PPARGC1A: variants seen among roughly 807,000 people sequenced by gnomAD.
The protein encoded by PPARGC1A is PPARG coactivator 1 alpha, also known as peroxisome proliferator-activated receptor gamma coactivator 1-alpha.
In PPARGC1A, 25 loss-of-function variants were observed where a neutral mutation model predicts 88.7. That is an observed-to-expected ratio of 0.28 (90% CI 0.21 to 0.39). The LOEUF (loss-of-function observed/expected upper bound fraction) is 0.39, where lower values mean the gene tolerates loss of function less well. Ranked by LOEUF, PPARGC1A falls within the 10% of genes least tolerant of loss-of-function variation. PPARGC1A has a pLI of 1.00. For synonymous variants in PPARGC1A, 363 were observed against 355.6 expected (o/e 1.02, Z -0.24); for missense variants, 880 against 968.7 (o/e 0.91, Z 1.22).
the PPARGC1A span, among the ~76,000 whole-genome samples, chr4:24,400,551 A>G: frequency 3.3e-5 from 5 of 152,172 alleles, no homozygotes; most frequent in African/African-American, 7.2e-5. Context: ...ATATATCTAT[A>G]TATATCTTAT....
chr4:23,911,651 T>C, the PPARGC1A span, among the ~76,000 whole-genome samples: 1 of 152,176 alleles, frequency 6.6e-6, no homozygotes, highest in African/African-American at 2.4e-5. Flanking sequence ...AACTTTCCAA[T>C]TGGACAAGAA....
the PPARGC1A span, among the ~76,000 whole-genome samples, chr4:24,415,042 T>C: frequency 6.6e-6 from 1 of 152,006 alleles, no homozygotes; most frequent in African/African-American, 2.4e-5. Flanking sequence ...ATAGAAAAAT[T>C]AGCTGAGTGC....
the PPARGC1A span, among the ~76,000 whole-genome samples, chr4:24,455,830 T>G: frequency 5.6e-4 from 85 of 152,336 alleles, no homozygotes; most frequent in Admixed American, 5.9e-4. Context: ...ATCAGCACCA[T>G]GCTCTTGGAC....
At chr4:24,335,198 A>C in the PPARGC1A span, among the ~76,000 whole-genome samples, 1 of 152,232 alleles carries the variant, frequency 6.6e-6, no homozygotes, top group Non-Finnish European at 1.5e-5. Flanking sequence ...AGATTCACCC[A>C]AATGAGCACA....
the PPARGC1A span, among the ~76,000 whole-genome samples, chr4:24,467,026 G>GAA: frequency 7.5e-6 from 1 of 134,136 alleles, no homozygotes; most frequent in Admixed American, 8.2e-5. Flanking sequence ...AAGAAAGAAA[G>GAA]AAAGAGAAAG....
the PPARGC1A span, among the ~76,000 whole-genome samples, chr4:23,941,430 A>G: frequency 6.6e-6 from 1 of 152,138 alleles, no homozygotes; most frequent in Admixed American, 6.5e-5. Flanking sequence ...TAAAACTTCA[A>G]TTTACAGAAC....
the PPARGC1A span, among the ~76,000 whole-genome samples, chr4:23,987,576 T>C: frequency 2.0e-5 from 3 of 151,956 alleles, no homozygotes; most frequent in East Asian, 3.9e-4. Context: ...AAGCCTTTCC[T>C]AACTCCCACC....
At chr4:24,115,840 A>AATT in the PPARGC1A span, among the ~76,000 whole-genome samples, 1 of 152,184 alleles carries the variant, frequency 6.6e-6, no homozygotes, top group African/African-American at 2.4e-5. Flanking sequence ...ACGTTGTCTA[A>AATT]AGGAAGATCT....
chr4:24,221,006 A>G, the PPARGC1A span, among the ~76,000 whole-genome samples: 1 of 152,206 alleles, frequency 6.6e-6, no homozygotes, highest in African/African-American at 2.4e-5. Flanking sequence ...AAATGAGGAC[A>G]TCTCCAATAC....
chr4:24,051,977 A>G, the PPARGC1A span, among the ~76,000 whole-genome samples: 1 of 151,980 alleles, frequency 6.6e-6, no homozygotes, highest in Admixed American at 6.6e-5. Flanking sequence ...CTCAAAATCA[A>G]TTAAAAGAGA....
chr4:23,959,158 G>A, the PPARGC1A span, among the ~76,000 whole-genome samples: 5 of 152,132 alleles, frequency 3.3e-5, no homozygotes, highest in African/African-American at 4.8e-5. Context: ...GAATGCAAAT[G>A]TGACTATATT....
the PPARGC1A span, among the ~76,000 whole-genome samples, chr4:24,370,749 CTTTTTTTTTTTTTTTTTTTT>C: frequency 3.8e-4 from 24 of 62,918 alleles, no homozygotes; most frequent in African/African-American, 1.7e-3. Flanking sequence ...CTGTCTCTCT[CTTTTTTTTTTTTTTTTTTTT>C]TTTTTTTTTT....
the PPARGC1A span, among the ~76,000 whole-genome samples, chr4:24,251,943 G>A: frequency 1.4e-5 from 2 of 141,786 alleles, no homozygotes; most frequent in African/African-American, 2.7e-5. Flanking sequence ...ACATTTGTCT[G>A]TCTTTTATTA....
chr4:23,944,476 C>A, the PPARGC1A span, among the ~76,000 whole-genome samples: 3 of 152,130 alleles, frequency 2.0e-5, no homozygotes, highest in Non-Finnish European at 2.9e-5. Context: ...TACATAACAC[C>A]GACCAGGTAC....
chr4:23,925,956 T>C, the PPARGC1A span, among the ~76,000 whole-genome samples: 5 of 152,176 alleles, frequency 3.3e-5, no homozygotes, highest in African/African-American at 1.2e-4. Flanking sequence ...TTGGTGTTAG[T>C]TGGGCTCCTA....
the PPARGC1A span, among the ~76,000 whole-genome samples, chr4:24,150,958 C>T: frequency 5.9e-5 from 9 of 152,172 alleles, no homozygotes; most frequent in African/African-American, 1.4e-4. Context: ...CCCAAATATG[C>T]CTATGCTGTT....
Position 23,814,304 on chromosome 4 carries a change from T to C in PPARGC1A, c.1179A>G (p.Lys393=), listed in dbSNP as rs1332464610. ...DHDYCQSINS[K]TEILINISQE... The stretch of plus-strand genomic sequence containing the variant: ...GTGATATATTAATGAGTATTTCTGT[T>C]TTGGAATTAATTGACTGGCAATAGT... Residue 393 remains lysine (K), a synonymous_variant, in exon 8 of 13, where the codon AAA becomes AAG. Coordinates refer to ENST00000264867, the MANE Select transcript of PPARGC1A (RefSeq NM_013261.5). 6.2e-7 allele frequency: 1 copy of C among 1,613,960 alleles called. No homozygotes were observed. Among genetic ancestry groups the C allele is most frequent in the East Asian group, 2.2e-5 (1 of 44,864 alleles).
the PPARGC1A span, among the ~76,000 whole-genome samples, chr4:24,013,262 A>G: frequency 6.6e-6 from 1 of 152,080 alleles, no homozygotes; most frequent in Non-Finnish European, 1.5e-5. Flanking sequence ...ATTTTAACTA[A>G]AATTCTACCC....
the PPARGC1A span, among the ~76,000 whole-genome samples, chr4:24,150,218 GGT>G: frequency 6.6e-6 from 1 of 152,130 alleles, no homozygotes; most frequent in African/African-American, 2.4e-5. Flanking sequence ...CTCCTAGGCT[GGT>G]GTACTAGCGA....
Sources: allele counts gnomAD v4.1 joint callset (sites outside exome capture counted in the v4.1 genomes callset), GRCh38; gene constraint gnomAD v4.1.1; transcripts MANE v1.5; gene names NCBI Gene and HGNC (gene_info 2026-07-23, HGNC 2026-07-21).